ADAMTS2: variants seen among roughly 807,000 people sequenced by gnomAD.
ADAMTS2 encodes A disintegrin and metalloproteinase with thrombospondin motifs 2.
In ADAMTS2, 50 loss-of-function variants were observed where a neutral mutation model predicts 123.0. The observed-to-expected ratio is 0.41, with a 90% CI of 0.32 to 0.51. The LOEUF is 0.51. Among genes scored for constraint, ADAMTS2 ranks in the 20% least tolerant of loss-of-function variants. ADAMTS2 has a pLI of 0.35. For missense variants in ADAMTS2, 1,494 were observed against 1,705.2 expected, an observed-to-expected ratio of 0.88 and a Z score of 2.18; for synonymous variants, 678 against 695.4, an observed-to-expected ratio of 0.98 and a Z score of 0.39.
chr5:179,119,399 T>C (rs1762716080), intron 21 of ADAMTS2, among the ~76,000 whole-genome samples: 1 of 152,240 alleles, frequency 6.6e-6, no homozygotes, highest in African/African-American at 2.4e-5. Context: ...CCACGCTTTC[T>C]TCCCTCTCCC....
chr5:179,313,825 CCTGGCCGG>C, intron 2 of ADAMTS2, among the ~76,000 whole-genome samples: 1 of 46,160 alleles, frequency 2.2e-5, no homozygotes, highest in African/African-American at 6.5e-5. Flanking sequence ...CAGAGGAGGG[CCTGGCCGG>C]AGCAGGGGTG....
At chr5:179,276,888 G>C (rs1017721248) in intron 2 of ADAMTS2, among the ~76,000 whole-genome samples, 7 of 152,170 alleles carry the variant, frequency 4.6e-5, no homozygotes, top group Non-Finnish European at 8.8e-5. Flanking sequence ...GAGGGACCTA[G>C]TGTGACAATG....
Position 179,135,960 on chromosome 5 carries a change from C to T in ADAMTS2, c.2034G>A (p.Thr678=), listed in dbSNP as rs139943837. The T allele has an allele frequency of 5.8e-5, 94 of 1,613,270 alleles. No homozygotes were observed. The highest frequency in any genetic ancestry group is 1.5e-4 in the Admixed American group (9 of 60,008). ...VSMKRMVHDG[T]RCSYKDAFSL... ...TGAAGGCGTCCTTGTAGGAGCAGCG[C>T]GTCCCGTCATGCACCATGCGCTTCA... Residue 678 remains threonine, a synonymous_variant, in exon 13 of 22, where the codon ACG becomes ACA. Transcript: ENST00000251582.
chr5:179,323,448 G>A (rs907704837), intron 2 of ADAMTS2, among the ~76,000 whole-genome samples: 5 of 152,222 alleles, frequency 3.3e-5, no homozygotes, highest in African/African-American at 9.6e-5. Context: ...CAGAACAGCC[G>A]CCAGCTTGAT....
chr5:179,187,708 G>A (rs1440532238), intron 4 of ADAMTS2, among the ~76,000 whole-genome samples: 2 of 152,106 alleles, frequency 1.3e-5, no homozygotes, highest in Non-Finnish European at 2.9e-5. Context: ...GGGAAGCCCA[G>A]GGACAATGTC....
intron 3 of ADAMTS2, among the ~76,000 whole-genome samples, chr5:179,227,449 T>C (rs1455200666): frequency 6.6e-6 from 1 of 152,132 alleles, no homozygotes; most frequent in African/African-American, 2.4e-5. Flanking sequence ...AGCTGTGATC[T>C]GGGGTGGAAC....
chr5:179,214,448 G>T (rs769280624), intron 3 of ADAMTS2, among the ~76,000 whole-genome samples: 16 of 152,204 alleles, frequency 1.1e-4, no homozygotes, highest in Non-Finnish European at 1.9e-4. Context: ...AACCTCAGAA[G>T]AAATTGAAAG....
chr5:179,293,093 CACAGCACTGGT>C (rs1385565757), intron 2 of ADAMTS2, among the ~76,000 whole-genome samples: 16 of 152,318 alleles, frequency 1.1e-4, no homozygotes, highest in Admixed American at 2.0e-4. Context: ...GCTTCTCACT[CACAGCACTGGT>C]GTAAGTGCTA....
At chr5:179,148,297 A>C (rs949790608) in intron 10 of ADAMTS2, among the ~76,000 whole-genome samples, 1 of 152,090 alleles carries the variant, frequency 6.6e-6, no homozygotes, top group Non-Finnish European at 1.5e-5. Flanking sequence ...CTTCAGGACC[A>C]AGTCGTTTAT....
rs1355025161 is a variant in ADAMTS2, at chr5:179,181,702, C to A, written c.892-547G>T. 6.6e-6 allele frequency among the ~76,000 whole-genome samples: 1 copy of A among 152,202 alleles called. No homozygotes were observed. Among genetic ancestry groups the A allele is most frequent in the Non-Finnish European group, 1.5e-5 (1 of 68,034 alleles). On this transcript the variant is annotated intron_variant, in intron 4 of 21. Coordinates refer to ENST00000251582, the MANE Select transcript of ADAMTS2 (RefSeq NM_014244.5). The surrounding 1 kb of genome is among the most constrained non-coding windows in gnomAD (Gnocchi z 4.1). ...TATTACTGCATCCCCAATGTGCTCT[C>A]CCTGTTCTGTTTTGATGGCTGGAGC...
rs1033033401 is a variant in ADAMTS2, at chr5:179,256,643, G to C, written c.688+16268C>G. Among the ~76,000 whole-genome samples the C allele has an allele frequency of 1.3e-5, 2 of 150,354 alleles. No individual in the cohort carries two copies. The highest frequency in any genetic ancestry group is 7.0e-3 in the Middle Eastern group (2 of 284). On this transcript the variant is annotated intron_variant, in intron 3 of 21. Transcript: ENST00000251582. This position sits in a 1 kb window ranked among gnomAD's most constrained non-coding sequence, Gnocchi z 4.1. Reference sequence around the variant, plus strand: ...CAGGCAGGCGGGGCCAGCATGAGTGGGGGGGCCAGGCACGAATCGGCAGGG... The same window carrying C: ...CAGGCAGGCGGGGCCAGCATGAGTGCGGGGGCCAGGCACGAATCGGCAGGG...
chr5:179,219,637 G>A (rs934895672), intron 3 of ADAMTS2, among the ~76,000 whole-genome samples: 5 of 152,246 alleles, frequency 3.3e-5, no homozygotes, highest in Non-Finnish European at 5.9e-5. Flanking sequence ...TGAGGCTGCT[G>A]AGGTTGAGCC....
At chr5:179,149,276 G>A (rs1763308185) in intron 10 of ADAMTS2, among the ~76,000 whole-genome samples, 1 of 152,168 alleles carries the variant, frequency 6.6e-6, no homozygotes, top group Non-Finnish European at 1.5e-5. Context: ...TGCCATGTGA[G>A]GAGACCACAG....
At chr5:179,172,216 G>T (rs1763835746) in intron 5 of ADAMTS2, among the ~76,000 whole-genome samples, 3 of 152,230 alleles carry the variant, frequency 2.0e-5, no homozygotes, top group South Asian at 4.1e-4. Flanking sequence ...GCCCTGGTTT[G>T]CTGGCTATGG....
At position 179,115,699 on chromosome 5, in the gene ADAMTS2, G is replaced by GGAGGGAGAAAGT. The variant is rs1192566539; in HGVS notation, c.3179-1376_3179-1375insACTTTCTCCCTC. Among the ~76,000 whole-genome samples the GGAGGGAGAAAGT allele has an allele frequency of 4.6e-5, 7 of 151,042 alleles. No individual in the cohort carries two copies. Among genetic ancestry groups the GGAGGGAGAAAGT allele is most frequent in the African/African-American group, 1.5e-4 (6 of 40,510 alleles). ...AAAAGGAAGAAAGGGAGGAGGAAAGGGAGGGAGAAAGGGAGGGAGAAAGGC... is the reference window on the plus strand; with the variant it reads ...AAAAGGAAGAAAGGGAGGAGGAAAGGGAGGGAGAAAGTGAGGGAGAAAGGGAGGGAGAAAGGC... On this transcript the variant is annotated intron_variant, in intron 21 of 21. Coordinates refer to ENST00000251582, the MANE Select transcript of ADAMTS2 (RefSeq NM_014244.5). The surrounding 1 kb of genome is among the most constrained non-coding windows in gnomAD (Gnocchi z 4.4).
intron 3 of ADAMTS2, among the ~76,000 whole-genome samples, chr5:179,252,980 C>A (rs1315771861): frequency 6.6e-6 from 1 of 152,122 alleles, no homozygotes; most frequent in Non-Finnish European, 1.5e-5. Flanking sequence ...GGAAATGAAC[C>A]TTTTCTCATT....
intron 13 of ADAMTS2, 112 bp from the exon 14 acceptor site, chr5:179,133,012 G>A: frequency 2.1e-6 from 3 of 1,425,118 alleles, no homozygotes; most frequent in Admixed American, 2.0e-5. Flanking sequence ...TCCTGCCTTG[G>A]CCTCCCAAAG....
At chr5:179,137,252 G>T (rs1214761072) in intron 12 of ADAMTS2, among the ~76,000 whole-genome samples, 1 of 152,186 alleles carries the variant, frequency 6.6e-6, no homozygotes, top group Non-Finnish European at 1.5e-5. Flanking sequence ...GTCCCAGGAG[G>T]GTCCCCAGCT....
intron 2 of ADAMTS2, among the ~76,000 whole-genome samples, chr5:179,329,951 C>T (rs1445054289): frequency 6.6e-6 from 1 of 151,668 alleles, no homozygotes; most frequent in Non-Finnish European, 1.5e-5. Flanking sequence ...AAGGTGAAAC[C>T]CCGTCTCTAC....
Sources: gnomAD v4.1 joint callset for allele counts (sites outside exome capture counted in the v4.1 genomes callset) on GRCh38, gnomAD v4.1.1 for gene constraint, Gnocchi (gnomAD v3.1) non-coding constraint, MANE v1.5 for transcripts, NCBI Gene and HGNC (gene_info 2026-07-23, HGNC 2026-07-21) for gene names.